ASIC1: variants seen among roughly 807,000 people sequenced by gnomAD.
ASIC1 encodes acid sensing ion channel subunit 1.
A neutral mutation model predicts 63.4 loss-of-function variants in ASIC1; 21 were observed. The ratio of observed to expected loss-of-function variants is 0.33; its 90% CI spans 0.23 to 0.48. ASIC1 has a LOEUF of 0.48. Ranked by LOEUF, ASIC1 falls within the 20% of genes least tolerant of loss-of-function variation. The pLI is 0.99. For synonymous variants in ASIC1, 258 were observed against 278.2 expected (o/e 0.93, Z 0.72); for missense variants, 478 against 695.5 (o/e 0.69, Z 3.52).
chr12:50,077,030 C>T (rs1322795635), intron 3 of ASIC1, 183 bp from the exon 4 acceptor site: 3 of 1,013,184 alleles, frequency 3.0e-6, no homozygotes, highest in Non-Finnish European at 4.6e-6. Flanking sequence ...TTTTCCAGGG[C>T]ACACAGAGGG....
chr12:50,065,073 T>C (rs1466935232), intron 3 of ASIC1, among the ~76,000 whole-genome samples: 1 of 152,082 alleles, frequency 6.6e-6, no homozygotes. Flanking sequence ...ACTCAGCCTC[T>C]CGGAAAATGC....
intron 7 of ASIC1, 67 bp from the exon 8 acceptor site, chr12:50,079,835 G>A (rs1010252942): frequency 1.6e-5 from 24 of 1,529,748 alleles, no homozygotes; most frequent in Non-Finnish European, 2.1e-5. Flanking sequence ...GAGCTAGGAT[G>A]TGCATGTGGG....
At position 50,074,297 on chromosome 12, in the gene ASIC1, G is replaced by C; in HGVS notation, c.559-2916G>C. ...TACCCCAAGAGTGTCTGCCATGGCT[G>C]TCCCTGACTGTCACCTCCTGGGGTT... On this transcript the variant is annotated intron_variant, in intron 3 of 11. Coordinates refer to ENST00000447966, the MANE Select transcript of ASIC1 (RefSeq NM_001095.4). This position sits in a 1 kb window ranked among gnomAD's most constrained non-coding sequence, Gnocchi z 4.2. 1 of 1,435,000 alleles carries C rather than the reference G, an allele frequency of 7.0e-7. No homozygotes were observed. The highest frequency in any genetic ancestry group is 9.1e-7 in the Non-Finnish European group (1 of 1,097,380). 88.9% of individuals were successfully genotyped at this position (1,435,000 alleles called of 1,614,324 possible).
Position 50,077,376 on chromosome 12 carries a change from C to T in ASIC1, c.709+13C>T, listed in dbSNP as rs375314575. ...TGGGGGGAGACTGGTACGTCACCCA[C>T]TTCAGGGGCCCCTCTGCATGGCTCT... On this transcript the variant is annotated intron_variant, in intron 4 of 11. Transcript: ENST00000447966. 6.8e-6 allele frequency: 11 copies of T among 1,613,930 alleles called. No homozygotes were observed. The highest frequency in any genetic ancestry group is 5.3e-5 in the African/African-American group (4 of 74,936).
rs550413159 is a variant in ASIC1, at chr12:50,078,992, T to C, written c.1051+12T>C. On this transcript the variant is annotated intron_variant, in intron 7 of 11. Transcript: ENST00000447966. This position sits in a 1 kb window ranked among gnomAD's most constrained non-coding sequence, Gnocchi z 6.0. ...AGATCCTGCTCTGGGTGAGCGCCCC[T>C]GGCCTGGGGCAGTCTGGGGGAGGGA... 4.3e-6 allele frequency: 7 copies of C among 1,612,130 alleles called. No individual in the cohort carries two copies. The East Asian group carries it at 1.6e-4, about 36-fold the overall frequency.
intron 3 of ASIC1, chr12:50,070,931 T>A (rs1950593212): frequency 6.6e-6 from 1 of 152,590 alleles, no homozygotes; most frequent in Non-Finnish European, 1.5e-5. Flanking sequence ...ATGACTTATC[T>A]CTGGTTGCCC....
At chr12:50,077,140 G>A (rs1366352355) in intron 3 of ASIC1, 73 bp from the exon 4 acceptor site, 1 of 1,608,526 alleles carries the variant, frequency 6.2e-7, no homozygotes, top group African/African-American at 1.3e-5. Context: ...AACAGCTGGG[G>A]TGGCTAGGAA....
rs1950473515 is a variant in ASIC1 at position 50,058,929 on chromosome 12, G to A, written c.163G>A (p.Ala55Thr). 1 of 1,614,002 alleles carries A rather than the reference G, an allele frequency of 6.2e-7. No homozygotes were observed. The highest frequency in any genetic ancestry group is 1.1e-5 in the South Asian group (1 of 91,090). ...GGCCCTGTGCTTCCTGGGCTCCCTG[G>A]CTGTGCTGCTGTGTGTGTGCACGGA... Reference protein sequence around the residue: ...LWALCFLGSLAVLLCVCTERV... With the variant: ...LWALCFLGSLTVLLCVCTERV... The change falls in exon 2 of 12, where the codon GCT becomes ACT. Residue 55 changes from alanine (A) to threonine (T), a missense_variant. Coordinates refer to ENST00000447966, the MANE Select transcript of ASIC1 (RefSeq NM_001095.4).
intron 3 of ASIC1, among the ~76,000 whole-genome samples, 188 bp downstream of exon 3, chr12:50,060,142 C>T (rs1280438236): frequency 6.6e-6 from 1 of 152,178 alleles, no homozygotes; most frequent in Non-Finnish European, 1.5e-5. Context: ...GCATGAGCAC[C>T]TGAGCCTCAG....
intron 3 of ASIC1, among the ~76,000 whole-genome samples, chr12:50,067,164 T>C (rs1950553031): frequency 6.6e-6 from 1 of 152,202 alleles, no homozygotes; most frequent in African/African-American, 2.4e-5. Context: ...ATAGTATCTC[T>C]CTGCTTCCCT....
chr12:50,081,619 C>G lies in ASIC1; in HGVS notation c.1557C>G (p.Ala519=). The G allele has an allele frequency of 1.2e-6, 2 of 1,614,066 alleles. No homozygotes were observed. Among genetic ancestry groups the G allele is most frequent in the Non-Finnish European group, 8.5e-7 (1 of 1,180,000 alleles). The change falls in exon 12 of 12, where the codon GCC becomes GCG. Residue 519 remains alanine (A), a synonymous_variant. Transcript: ENST00000447966. ...YAANILPHHP[A]RGTFEDFTC ...CCAACATCCTACCTCACCATCCGGC[C>G]CGAGGCACGTTCGAGGACTTTACCT...
At chr12:50,072,122 C>T (rs530770854) in intron 3 of ASIC1, among the ~76,000 whole-genome samples, 1 of 152,268 alleles carries the variant, frequency 6.6e-6, no homozygotes, top group Admixed American at 6.5e-5. Flanking sequence ...ATCCCCAACA[C>T]ACTCTAGGGT....
intron 3 of ASIC1, among the ~76,000 whole-genome samples, chr12:50,067,955 C>T (rs1950561994): frequency 6.6e-6 from 1 of 152,146 alleles, no homozygotes. Flanking sequence ...TAGTATTTTG[C>T]ATATTGCATT....
At position 50,078,538 on chromosome 12, in the gene ASIC1, C is replaced by G; in HGVS notation, c.955C>G (p.Leu319Val). 1.2e-6 allele frequency: 2 copies of G among 1,614,142 alleles called. No homozygotes were observed. The highest frequency in any genetic ancestry group is 4.5e-5 in the East Asian group (2 of 44,888). ...CCGCATCGACTGTGAGACGCGCTAC[C>G]TGGTGGAGAACTGCAACTGCCGCAT... ...ACRIDCETRY[L>V]VENCNCRMVH... Residue 319 changes from leucine to valine, a missense_variant, in exon 6 of 12, where the codon CTG (leucine) becomes GTG (valine). Leu to Val is a conservative substitution (Grantham distance 32). Transcript: ENST00000447966. The surrounding 1 kb of genome is among the most constrained non-coding windows in gnomAD (Gnocchi z 6.0).
chr12:50,070,389 G>GGT (rs1326265555), intron 3 of ASIC1, among the ~76,000 whole-genome samples: 12 of 151,134 alleles, frequency 7.9e-5, no homozygotes, highest in Middle Eastern at 3.2e-3. Context: ...TGCGTGTTGG[G>GGT]GTGTGTGTGT....
At chr12:50,060,066 A>G (rs919070641) in intron 3 of ASIC1, 112 bp downstream of exon 3, 3 of 1,304,806 alleles carry the variant, frequency 2.3e-6, no homozygotes, top group Non-Finnish European at 1.1e-6. Flanking sequence ...AGGAAGTTGT[A>G]TGTCCTGGGG....
chr12:50,081,041 A>C, intron 9 of ASIC1, 61 bp from the exon 10 acceptor site: 3 of 1,455,908 alleles, frequency 2.1e-6, no homozygotes, highest in Non-Finnish European at 2.8e-6. Context: ...CAGTCCCAGT[A>C]AACCCTGCTG....
At chr12:50,065,363 C>T (rs1007769327) in intron 3 of ASIC1, among the ~76,000 whole-genome samples, 1 of 152,150 alleles carries the variant, frequency 6.6e-6, no homozygotes, top group African/African-American at 2.4e-5. Flanking sequence ...GGCATTAGGG[C>T]TCCTGGTCTC....
At position 50,081,769 on chromosome 12, in the gene ASIC1, C is replaced by G; in HGVS notation, c.*120C>G. ...CCACACTCCGGGGCAGATCTTTCCT[C>G]TTGTCTGTGGTAAGGAAGGAGTCTT... On this transcript the variant is annotated 3_prime_UTR_variant, in exon 12 of 12. Coordinates refer to ENST00000447966, the MANE Select transcript of ASIC1 (RefSeq NM_001095.4). 2.3e-6 allele frequency: 2 copies of G among 858,262 alleles called. No individual in the cohort carries two copies. Among genetic ancestry groups the G allele is most frequent in the Non-Finnish European group, 3.6e-6 (2 of 551,038 alleles). 53.2% of individuals were successfully genotyped at this position (858,262 alleles called of 1,614,324 possible). A position where few individuals can be genotyped will look rare whatever the true frequency, so the allele number is the denominator to read the frequency against.
Sources: allele counts gnomAD v4.1 joint callset (sites outside exome capture counted in the v4.1 genomes callset), GRCh38; gene constraint gnomAD v4.1.1; non-coding constraint Gnocchi (gnomAD v3.1); transcripts MANE v1.5; gene names NCBI Gene and HGNC (gene_info 2026-07-23, HGNC 2026-07-21).